Variants in PRH1 observed in about 807,000 individuals in gnomAD.
The protein encoded by PRH1 is salivary acidic proline-rich phosphoprotein 1/2.
Under a neutral mutation model 7.9 loss-of-function variants are expected in PRH1, and 7 were observed. That is an observed-to-expected ratio of 0.89 (90% CI 0.50 to 1.67). PRH1 has a LOEUF of 1.67. PRH1 is among the 40% of genes most tolerant of loss of function. The pLI is 0.00. For synonymous variants in PRH1, 45 were observed against 80.8 expected (o/e 0.56, Z 2.38); for missense variants, 109 against 223.6 (o/e 0.49, Z 3.27).
intron 1 of PRH1, among the ~76,000 whole-genome samples, chr12:11,038,730 A>T (rs1942564315): frequency 7.0e-6 from 1 of 142,748 alleles, no homozygotes; most frequent in Non-Finnish European, 1.6e-5. Flanking sequence ...TAGCTATTGA[A>T]ACTCAGTGAT....
chr12:11,058,208 C>A (rs1943444135), intron 1 of PRH1, among the ~76,000 whole-genome samples: 1 of 152,094 alleles, frequency 6.6e-6, no homozygotes, highest in Non-Finnish European at 1.5e-5. Flanking sequence ...TGCACTCCAG[C>A]CTCATGGACA....
chr12:11,098,459 A>C (rs1271619962), intron 1 of PRH1, among the ~76,000 whole-genome samples: 1 of 152,164 alleles, frequency 6.6e-6, no homozygotes, highest in Middle Eastern at 3.2e-3. Flanking sequence ...ATTGACTGGA[A>C]ACCTGAATCC....
At chr12:10,968,588 T>C (rs1239429931) in intron 2 of PRH1, among the ~76,000 whole-genome samples, 5 of 152,244 alleles carry the variant, frequency 3.3e-5, no homozygotes, top group Non-Finnish European at 7.3e-5. Context: ...GGGCTTAGAC[T>C]GAAATAATAC....
Position 11,170,071 on chromosome 12 carries a change from ATGATCAGAAATCACACATT to A in PRH1, n.39+1332_39+1350del, listed in dbSNP as rs1439922391. ...AGAACAAGACTGTAACCTTAAGGTC[ATGATCAGAAATCACACATT>A]TGAATAATCCATGAATGAAGACGGT... On this transcript the variant is annotated intron_variant and non_coding_transcript_variant, in intron 1 of 1. Transcript: ENST00000541175. 3.3e-5 allele frequency among the ~76,000 whole-genome samples: 5 copies of A among 152,240 alleles called. No individual in the cohort carries two copies. The East Asian group carries it at 9.6e-4, about 29-fold the overall frequency.
At chr12:11,116,440 A>G (rs1269233926), downstream of PRH1, among the ~76,000 whole-genome samples, 1 of 151,984 alleles carries the variant, frequency 6.6e-6, no homozygotes, top group East Asian at 1.9e-4. Flanking sequence ...AACAAACAAA[A>G]AACAAAAAAC....
chr12:11,096,737 C>G (rs1945076970), intron 1 of PRH1, among the ~76,000 whole-genome samples: 1 of 114,830 alleles, frequency 8.7e-6, no homozygotes, highest in Admixed American at 8.6e-5. Context: ...TATAGAATCT[C>G]AACCACAGCT....
intron 1 of PRH1, among the ~76,000 whole-genome samples, chr12:11,067,293 G>C (rs1029653680): frequency 6.6e-6 from 1 of 152,146 alleles, no homozygotes; most frequent in Non-Finnish European, 1.5e-5. Flanking sequence ...TGTGAAATTA[G>C]AATGCTAACA....
intron 2 of PRH1, among the ~76,000 whole-genome samples, chr12:10,942,480 G>C (rs972688702): frequency 1.3e-5 from 2 of 152,064 alleles, no homozygotes; most frequent in Non-Finnish European, 2.9e-5. Context: ...GCAGGTTGTC[G>C]TGGAAGTGAG....
At chr12:10,952,988 A>G (rs1937760938) in intron 2 of PRH1, among the ~76,000 whole-genome samples, 3 of 152,182 alleles carry the variant, frequency 2.0e-5, no homozygotes, top group Non-Finnish European at 4.4e-5. Flanking sequence ...GCCAGAGAAC[A>G]AAGTCCGGTG....
intron 1 of PRH1, among the ~76,000 whole-genome samples, chr12:11,046,024 A>C (rs1212107717): frequency 6.6e-6 from 1 of 152,190 alleles, no homozygotes; most frequent in East Asian, 1.9e-4. Flanking sequence ...AGAAAGTTGT[A>C]ATATATGCGC....
Position 10,932,551 on chromosome 12 carries a change from A to C in PRH1, c.-59+41104T>G, listed in dbSNP as rs1950229099. 1.3e-5 allele frequency among the ~76,000 whole-genome samples: 2 copies of C among 152,204 alleles called. 1 individual carries two copies. Among genetic ancestry groups the C allele is most frequent in the African/African-American group, 4.8e-5 (2 of 41,458 alleles). On this transcript the variant is annotated intron_variant, in intron 2 of 3. Transcript: ENST00000539853. ...AATTATTTTCAGGTCATTTCCTGAT[A>C]GTCTAGTCAGCTTATGAATGTAAGC...
intron 2 of PRH1, among the ~76,000 whole-genome samples, chr12:10,949,999 G>A (rs181495178): frequency 6.6e-6 from 1 of 151,836 alleles, no homozygotes; most frequent in Admixed American, 6.6e-5. Context: ...TTTCAATATT[G>A]ATAATTCCTC....
intron 1 of PRH1, among the ~76,000 whole-genome samples, chr12:11,033,518 T>C (rs1942313289): frequency 6.6e-6 from 1 of 152,088 alleles, no homozygotes; most frequent in Non-Finnish European, 1.5e-5. Flanking sequence ...GTGTGGGAAA[T>C]ATGTACAACC....
intron 1 of PRH1, among the ~76,000 whole-genome samples, chr12:11,074,621 G>A (rs1286054144): frequency 9.3e-6 from 1 of 107,962 alleles, no homozygotes. Flanking sequence ...GGGAAACATA[G>A]GGAAAGGGGC....
At chr12:10,936,486 G>A (rs1950290416) in intron 2 of PRH1, among the ~76,000 whole-genome samples, 1 of 152,040 alleles carries the variant, frequency 6.6e-6, no homozygotes, top group South Asian at 2.1e-4. Context: ...CTCATCACAT[G>A]TGAAACCATC....
chr12:11,115,425 G>T (rs1945704757), intron 1 of PRH1, among the ~76,000 whole-genome samples: 1 of 152,072 alleles, frequency 6.6e-6, no homozygotes, highest in African/African-American at 2.4e-5. Flanking sequence ...CCAAAGCAAA[G>T]AGAAAGCCTC....
intron 1 of PRH1, among the ~76,000 whole-genome samples, chr12:11,071,540 T>C (rs1384501149): frequency 1.3e-5 from 2 of 152,182 alleles, no homozygotes; most frequent in African/African-American, 4.8e-5. Flanking sequence ...TTTACTCAGG[T>C]AGTCCTAAAG....
intron 2 of PRH1, among the ~76,000 whole-genome samples, chr12:10,925,149 T>C (rs1950106835): frequency 6.6e-6 from 1 of 152,196 alleles, no homozygotes; most frequent in Admixed American, 6.5e-5. Flanking sequence ...AGCTTTCTTC[T>C]TTCACTTATT....
chr12:10,970,861 C>A lies in PRH1; in HGVS notation c.-59+2794G>T, dbSNP rs144044844. ...GATTACAGGCGTGAGCCACTTTGCC[C>A]GGCCCTAAAATTTTAACTTGTGTTT... On this transcript the variant is annotated intron_variant, in intron 2 of 3. Coordinates refer to the PRH1 transcript ENST00000539853. Among the ~76,000 whole-genome samples, 78 of 152,222 alleles carry A rather than the reference C, an allele frequency of 5.1e-4. No individual in the cohort carries two copies. In the East Asian group the frequency reaches 0.014, roughly 27 times the overall value.
Sources: allele counts gnomAD v4.1 joint callset (sites outside exome capture counted in the v4.1 genomes callset), GRCh38; gene constraint gnomAD v4.1.1; transcripts MANE v1.5; gene names NCBI Gene and HGNC (gene_info 2026-07-23, HGNC 2026-07-21).